HSPG2: variants seen among roughly 807,000 people sequenced by gnomAD.
HSPG2 encodes the protein heparan sulfate proteoglycan 2, also known as basement membrane-specific heparan sulfate proteoglycan core protein.
A neutral mutation model predicts 526.6 loss-of-function variants in HSPG2; 278 were observed. The ratio of observed to expected loss-of-function variants is 0.53; its 90% confidence interval spans 0.48 to 0.58. The LOEUF is 0.58. HSPG2 is among the 20% of genes least tolerant of loss of function. HSPG2 has a pLI of 0.00. For synonymous variants in HSPG2, 2,465 were observed against 2,555.4 expected, an observed-to-expected ratio of 0.96 and a Z score of 1.07; for missense variants, 5,354 against 6,099.5, an observed-to-expected ratio of 0.88 and a Z score of 4.07.
Position 21,840,691 on chromosome 1 carries a change from T to A in HSPG2, c.9513+410A>T, listed in dbSNP as rs1306030575. Among the ~76,000 whole-genome samples the A allele has an allele frequency of 2.0e-5, 3 of 152,036 alleles. No individual in the cohort carries two copies. The East Asian group carries it at 5.8e-4, about 29-fold the overall frequency. ...CCTGACCTCAGGTGATCCACCCACT[T>A]TGGCCTCCCAGGCTGGTCTCAAACT... On this transcript the variant is annotated intron_variant, in intron 71 of 96. Coordinates refer to ENST00000374695, the MANE Select transcript of HSPG2 (RefSeq NM_005529.7).
intron 78 of HSPG2, 51 bp from the exon 79 acceptor site, chr1:21,833,665 G>A: frequency 1.2e-6 from 2 of 1,611,184 alleles, no homozygotes; most frequent in Non-Finnish European, 1.7e-6. Context: ...CGGCTCCAGG[G>A]GCCCACCTCC....
At position 21,829,073 on chromosome 1, in the gene HSPG2, GCC is replaced by G; in HGVS notation, c.11997_11998del (p.Ala4000ArgfsTer104). The G allele has an allele frequency of 6.5e-7, 1 of 1,539,490 alleles. No homozygotes were observed. The highest frequency in any genetic ancestry group is 1.2e-5 in the South Asian group (1 of 83,908). On this transcript the variant is annotated frameshift_variant, in exon 88 of 97. Transcript: ENST00000374695. LOFTEE classifies it high-confidence loss of function. ...CAGCGGCTCGGCGCTCCGCAGAACGGCCAGCCCTGGGGAGGATGCCAGGCAGG... is the reference window on the plus strand; with the variant it reads ...CAGCGGCTCGGCGCTCCGCAGAACGGAGCCCTGGGGAGGATGCCAGGCAGG...
At position 21,880,524 on chromosome 1, in the gene HSPG2, C is replaced by A. The variant is rs375600124; in HGVS notation, c.2034G>T (p.Gln678His). The change falls in exon 16 of 97, where the codon CAG (glutamine) becomes CAT (histidine). Residue 678 changes from glutamine to histidine, a missense_variant. Transcript: ENST00000374695. Reference sequence around the variant, plus strand: ...GCAGCACCTGCAGCAGCTCCGCGCGCTGCACCGGCCGGCCAGACTCATGGA... The same window carrying A: ...GCAGCACCTGCAGCAGCTCCGCGCGATGCACCGGCCGGCCAGACTCATGGA... ...HWVHESGRPVQRAELLQVLQS... is the reference protein window; with the variant it reads ...HWVHESGRPVHRAELLQVLQS... The A allele has an allele frequency of 3.4e-4, 547 of 1,613,660 alleles. 6 individuals are homozygous for A. The South Asian group carries it at 5.2e-3, about 15-fold the overall frequency.
In HSPG2 at chr1:21,838,337, A is replaced by C. The variant is rs534241974; in HGVS notation, c.10150+488T>G. 3.9e-5 allele frequency among the ~76,000 whole-genome samples: 6 copies of C among 152,238 alleles called. No individual in the cohort carries two copies. The East Asian group carries it at 1.2e-3, about 29-fold the overall frequency. ...AAGCCCTCATTTGTATCATTGATGC[A>C]GGAGGCCATGGAAATGCTGGGCTCT... On this transcript the variant is annotated intron_variant, in intron 74 of 96. Transcript: ENST00000374695.
chr1:21,874,946 G>A lies in HSPG2; in HGVS notation c.3359C>T (p.Ala1120Val), dbSNP rs754348948. ...GCAGGAGCACTGTTCCACTTCCAGC[G>A]CGGGGTCCTGGCCGGTTTCCTCGGG... ...AVPEETGQDP[A>V]LEVEQCSCPP... The change falls in exon 26 of 97, where the codon GCG (alanine) becomes GTG (valine). Residue 1120 changes from alanine (A) to valine (V), a missense_variant. Physicochemically the swap from Ala to Val is moderately conservative, Grantham distance 64 (BLOSUM62 0). Coordinates refer to ENST00000374695, the MANE Select transcript of HSPG2 (RefSeq NM_005529.7). 4.3e-6 allele frequency: 7 copies of A among 1,612,306 alleles called. No homozygotes were observed. The highest frequency in any genetic ancestry group is 2.7e-5 in the African/African-American group (2 of 74,996).
rs1031454152 is a variant in HSPG2 at position 21,904,699 on chromosome 1, G to A, written c.64-8389C>T. On this transcript the variant is annotated intron_variant, in intron 1 of 96. Transcript: ENST00000374695. This position sits in a 1 kb window ranked among gnomAD's most constrained non-coding sequence, Gnocchi z 4.4. ...CCAAGGCGGTGGGGGTGGCCTAAGC[G>A]GGAACAGCTTCTGGACTGGGCTGCC... 3.9e-5 allele frequency among the ~76,000 whole-genome samples: 6 copies of A among 152,192 alleles called. No individual in the cohort carries two copies. The South Asian group carries it at 6.2e-4, about 16-fold the overall frequency.
Position 21,834,701 on chromosome 1 carries a change from G to C in HSPG2, c.10698C>G (p.Ser3566=), listed in dbSNP as rs767964069. Residue 3566 remains serine, a synonymous_variant, in exon 77 of 97, where the codon TCC becomes TCG. Transcript: ENST00000374695. The part of the protein sequence containing the change: ...TATNAAGTTQ[S]HVLLLVQALP... ...CACCTTGCACAAGCAGCAGGACGTG[G>C]GATTGTGTGGTGCCAGCTGCGTTGG... The C allele has an allele frequency of 1.2e-6, 2 of 1,614,140 alleles. No individual in the cohort carries two copies. The highest frequency in any genetic ancestry group is 1.7e-6 in the Non-Finnish European group (2 of 1,180,034).
chr1:21,890,439 A>T lies in HSPG2; in HGVS notation c.401T>A (p.Val134Glu). The T allele has an allele frequency of 6.2e-7, 1 of 1,613,548 alleles. No homozygotes were observed. The highest frequency in any genetic ancestry group is 8.5e-7 in the Non-Finnish European group (1 of 1,179,860). The part of the protein sequence containing the change: ...LKIPGDQVVS[V>E]VFIKELDGWV... ...AGCCCCTTCTCACTTGATGAACACC[A>T]CACTGACAACCTGGTCTCCGGGAAT... Residue 134 changes from valine to glutamate, a missense_variant, in exon 5 of 97, where the codon GTG becomes GAG. Coordinates refer to ENST00000374695, the MANE Select transcript of HSPG2 (RefSeq NM_005529.7). The surrounding 1 kb of genome is among the most constrained non-coding windows in gnomAD (Gnocchi z 4.1).
At chr1:21,931,502 C>T (rs1045878713) in intron 1 of HSPG2, among the ~76,000 whole-genome samples, 3 of 152,078 alleles carry the variant, frequency 2.0e-5, no homozygotes, top group East Asian at 3.9e-4. Flanking sequence ...GGCCCTGGGA[C>T]AGGGAGAGGT....
intron 3 of HSPG2, among the ~76,000 whole-genome samples, chr1:21,891,929 C>T (rs939261400): frequency 6.6e-6 from 1 of 152,200 alleles, no homozygotes; most frequent in African/African-American, 2.4e-5. Context: ...ATGCTCATTA[C>T]GTTTCACAAT....
chr1:21,855,446 C>T lies in HSPG2; in HGVS notation c.5855G>A (p.Gly1952Glu). ...CACTTGGACTCTGGGCCCACCGCCC[C>T]CTGCAGACAGAGTCCTGTGAGAACA... ...QVARAVLHVH[G>E]GGGPRVQVSP... The change falls in exon 47 of 97, where the codon GGG (glycine) becomes GAG (glutamate). Residue 1952 changes from glycine (G) to glutamate (E), a missense_variant and splice_region_variant. Transcript: ENST00000374695. 2 of 1,613,200 alleles carry T rather than the reference C, an allele frequency of 1.2e-6. No homozygotes were observed. Among genetic ancestry groups the T allele is most frequent in the South Asian group, 1.1e-5 (1 of 90,956 alleles).
intron 30 of HSPG2, 132 bp downstream of exon 30, chr1:21,873,240 TCTC>T: frequency 8.3e-7 from 1 of 1,198,716 alleles, no homozygotes; most frequent in South Asian, 1.2e-5. Context: ...GGTGGGGCCT[TCTC>T]CTATCCCCAT....
Position 21,904,509 on chromosome 1 carries a change from G to A in HSPG2, c.64-8199C>T, listed in dbSNP as rs1226834174. Among the ~76,000 whole-genome samples the A allele has an allele frequency of 6.6e-6, 1 of 152,120 alleles. No individual in the cohort carries two copies. Among genetic ancestry groups the A allele is most frequent in the African/African-American group, 2.4e-5 (1 of 41,420 alleles). ...CTGCTGACCCGGTGCTAGTCACAGA[G>A]GCCAAGTCTCCCCTGTACCCCCAGA... On this transcript the variant is annotated intron_variant, in intron 1 of 96. Coordinates refer to ENST00000374695, the MANE Select transcript of HSPG2 (RefSeq NM_005529.7). This position sits in a 1 kb window ranked among gnomAD's most constrained non-coding sequence, Gnocchi z 4.4.
chr1:21,909,229 C>A (rs1050379271), intron 1 of HSPG2, among the ~76,000 whole-genome samples: 3 of 152,182 alleles, frequency 2.0e-5, no homozygotes, highest in Non-Finnish European at 1.5e-5. Flanking sequence ...CCCCTCTTGC[C>A]CTGTTCCAAA....
intron 39 of HSPG2, among the ~76,000 whole-genome samples, chr1:21,860,839 A>G (rs552146009): frequency 1.3e-5 from 2 of 152,322 alleles, no homozygotes; most frequent in African/African-American, 2.4e-5. Flanking sequence ...TAGGTGTTGG[A>G]AATACAACAA....
chr1:21,880,563 G>A lies in HSPG2; in HGVS notation c.1999-4C>T. 2 of 1,613,200 alleles carry A rather than the reference G, an allele frequency of 1.2e-6. No individual in the cohort carries two copies. Among genetic ancestry groups the A allele is most frequent in the Middle Eastern group, 3.3e-4 (2 of 6,062 alleles). ...CAGACTCATGGACCCAGTGCTCCTG[G>A]GTATGGGTGAAGGTGGCAGGGGTCA... On this transcript the variant is annotated splice_region_variant and splice_polypyrimidine_tract_variant and intron_variant, in intron 15 of 96. Transcript: ENST00000374695.
intron 42 of HSPG2, 68 bp from the exon 43 acceptor site, chr1:21,857,453 T>G: frequency 2.2e-6 from 3 of 1,389,506 alleles, no homozygotes; most frequent in Non-Finnish European, 3.0e-6. Flanking sequence ...CCACTTTGTC[T>G]TTCTCCATAA....
chr1:21,905,270 C>T (rs933175440), intron 1 of HSPG2, among the ~76,000 whole-genome samples: 2 of 151,696 alleles, frequency 1.3e-5, no homozygotes, highest in Admixed American at 6.6e-5. Context: ...CCCACACACA[C>T]ACACACACAC....
At chr1:21,888,335 T>G (rs916740217) in intron 6 of HSPG2, among the ~76,000 whole-genome samples, 1 of 152,122 alleles carries the variant, frequency 6.6e-6, no homozygotes, top group African/African-American at 2.4e-5. Flanking sequence ...ACCACACACA[T>G]GCAGGCCACA....
Sources: allele counts gnomAD v4.1 joint callset (sites outside exome capture counted in the v4.1 genomes callset), GRCh38; gene constraint gnomAD v4.1.1; non-coding constraint Gnocchi (gnomAD v3.1); transcripts MANE v1.5; gene names NCBI Gene and HGNC (gene_info 2026-07-23, HGNC 2026-07-21).